The following KYNU variants were observed in gnomAD, a reference collection of about 807,000 sequenced individuals.
KYNU encodes L-kynurenine hydrolase.
A neutral mutation model predicts 59.2 loss-of-function variants in KYNU; 54 were observed. That is an observed-to-expected ratio of 0.91 (90% confidence interval 0.73 to 1.14). The LOEUF is 1.14. KYNU is among the 50% of genes most tolerant of loss of function. The probability of loss-of-function intolerance (pLI) is 0.00; values close to 1 mark genes in which losing one functional copy is unlikely to be tolerated. For synonymous variants in KYNU, 177 were observed against 192.0 expected, an observed-to-expected ratio of 0.92 and a Z score of 0.65; for missense variants, 567 against 554.4, an observed-to-expected ratio of 1.02 and a Z score of -0.23.
chr2:142,920,391 CT>C (rs1199361484), intron 3 of KYNU, among the ~76,000 whole-genome samples: 4 of 152,124 alleles, frequency 2.6e-5, no homozygotes, highest in African/African-American at 4.8e-5. Flanking sequence ...TGAATTTGAA[CT>C]TTATAGAGTG....
At chr2:142,908,851 G>T (rs984998323) in intron 2 of KYNU, among the ~76,000 whole-genome samples, 4 of 152,140 alleles carry the variant, frequency 2.6e-5, no homozygotes, top group African/African-American at 7.2e-5. Flanking sequence ...AGCCAGGATG[G>T]TCTTGATCTC....
intron 4 of KYNU, among the ~76,000 whole-genome samples, chr2:142,945,802 A>G (rs1375939087): frequency 2.6e-5 from 4 of 151,866 alleles, no homozygotes; most frequent in East Asian, 1.9e-4. Context: ...CCGTGGCACA[A>G]TCTCGGCTCA....
intron 10 of KYNU, among the ~76,000 whole-genome samples, chr2:142,993,128 T>A (rs1368911309): frequency 6.6e-6 from 1 of 152,044 alleles, no homozygotes; most frequent in Non-Finnish European, 1.5e-5. Context: ...TTTACTTTGT[T>A]ACATTGAAAA....
At chr2:142,993,519 A>AACTCAT (rs1685459900) in intron 10 of KYNU, among the ~76,000 whole-genome samples, 1 of 152,048 alleles carries the variant, frequency 6.6e-6, no homozygotes, top group African/African-American at 2.4e-5. Flanking sequence ...ACTTGAAGAA[A>AACTCAT]ACTCATCTGT....
At chr2:142,965,154 C>T (rs1287157801) in intron 8 of KYNU, among the ~76,000 whole-genome samples, 1 of 152,116 alleles carries the variant, frequency 6.6e-6, no homozygotes, top group Non-Finnish European at 1.5e-5. Flanking sequence ...CTGCATCTTC[C>T]CACTACATCC....
chr2:142,999,941 A>T (rs980441337), intron 10 of KYNU, among the ~76,000 whole-genome samples: 1 of 152,062 alleles, frequency 6.6e-6, no homozygotes, highest in Non-Finnish European at 1.5e-5. Flanking sequence ...CCAAGTTGCA[A>T]TTTTTTCCAG....
At chr2:142,918,056 A>G (rs529871956) in intron 2 of KYNU, among the ~76,000 whole-genome samples, 3 of 152,350 alleles carry the variant, frequency 2.0e-5, no homozygotes, top group Admixed American at 6.5e-5. Context: ...AATAAGAAGT[A>G]GATGTAGAAA....
intron 2 of KYNU, among the ~76,000 whole-genome samples, chr2:142,918,091 A>G (rs1305027104): frequency 6.6e-6 from 1 of 152,246 alleles, no homozygotes; most frequent in Non-Finnish European, 1.5e-5. Flanking sequence ...TACATGTGTT[A>G]GTACTATGTG....
intron 10 of KYNU, among the ~76,000 whole-genome samples, chr2:143,005,590 T>C (rs1685854276): frequency 6.6e-6 from 1 of 152,162 alleles, no homozygotes; most frequent in Non-Finnish European, 1.5e-5. Flanking sequence ...ATGTTTGCAA[T>C]AGTATAAATA....
chr2:143,014,594 TA>T lies in KYNU; in HGVS notation c.903-15032del, dbSNP rs1686201556. 3.3e-5 allele frequency among the ~76,000 whole-genome samples: 5 copies of T among 152,362 alleles called. No individual in the cohort carries two copies. The South Asian group carries it at 1.0e-3, about 32-fold the overall frequency. ...TGTTTTGGAACTCAAAGCTAAAAATTAGAATTTTTGTTCTATATGCACCGTT... is the reference window on the plus strand; with the variant it reads ...TGTTTTGGAACTCAAAGCTAAAAATTGAATTTTTGTTCTATATGCACCGTT... On this transcript the variant is annotated intron_variant, in intron 10 of 13. Coordinates refer to ENST00000264170, the MANE Select transcript of KYNU (RefSeq NM_003937.3).
intron 1 of KYNU, among the ~76,000 whole-genome samples, chr2:142,880,338 C>A (rs182119787): frequency 7.9e-5 from 12 of 152,260 alleles, no homozygotes; most frequent in African/African-American, 2.9e-4. Flanking sequence ...TGGAGACTTG[C>A]ACATAGCATG....
At chr2:143,029,808 C>A in intron 11 of KYNU, 129 bp downstream of exon 11, 2 of 664,322 alleles carry the variant, frequency 3.0e-6, no homozygotes, top group South Asian at 1.7e-5. Context: ...TGAGAATTCT[C>A]AAATAAGAAA....
chr2:143,031,810 TACC>T (rs1237435184), intron 11 of KYNU, among the ~76,000 whole-genome samples: 2 of 152,178 alleles, frequency 1.3e-5, no homozygotes, highest in African/African-American at 4.8e-5. Context: ...GCTATAAAGA[TACC>T]ACCTGAGACT....
In KYNU at chr2:143,042,614, A is replaced by ATGTGTG. The variant is rs1271154119; in HGVS notation, c.*443_*444insGTGTGT. 1.0e-4 allele frequency: 3 copies of ATGTGTG among 29,976 alleles called. No individual in the cohort carries two copies. The highest frequency in any genetic ancestry group is 9.9e-4 in the South Asian group (1 of 1,014). 1.9% of individuals were successfully genotyped at this position (29,976 alleles called of 1,614,324 possible). On this transcript the variant is annotated 3_prime_UTR_variant, in exon 14 of 14. Transcript: ENST00000264170. ...TATATATATATATATATATATATAT[A>ATGTGTG]TATATATATATATATATGTGTGTGT...
At chr2:143,037,255 A>AT (rs1271283821) in intron 12 of KYNU, among the ~76,000 whole-genome samples, 1 of 152,194 alleles carries the variant, frequency 6.6e-6, no homozygotes, top group Non-Finnish European at 1.5e-5. Flanking sequence ...CTTTGGATGT[A>AT]TTTGCCTTAT....
intron 2 of KYNU, among the ~76,000 whole-genome samples, chr2:142,916,188 T>C (rs961715258): frequency 1.3e-5 from 2 of 152,150 alleles, no homozygotes; most frequent in African/African-American, 4.8e-5. Flanking sequence ...GGGGGCTTGT[T>C]ACATGAAGCA....
intron 10 of KYNU, among the ~76,000 whole-genome samples, chr2:143,023,730 C>T (rs2105220731): frequency 6.6e-6 from 1 of 150,662 alleles, no homozygotes; most frequent in African/African-American, 2.4e-5. Context: ...AGGAAGAGAA[C>T]TAATAGAATA....
intron 3 of KYNU, among the ~76,000 whole-genome samples, chr2:142,920,270 A>G (rs1056861176): frequency 9.8e-5 from 15 of 152,306 alleles, no homozygotes; most frequent in African/African-American, 3.6e-4. Flanking sequence ...ACATACCACC[A>G]CATTTGCTCT....
Position 143,042,417 on chromosome 2 carries a change from C to G in KYNU, c.*245C>G, listed in dbSNP as rs1687081181. ...TGTGTTGGTTCAAGTATTATCTATA[C>G]AGTCTCTATAAGCTGTCACATTTCA... On this transcript the variant is annotated 3_prime_UTR_variant, in exon 14 of 14. Coordinates refer to ENST00000264170, the MANE Select transcript of KYNU (RefSeq NM_003937.3). 3 of 387,562 alleles carry G rather than the reference C, an allele frequency of 7.7e-6. No homozygotes were observed. The highest frequency in any genetic ancestry group is 1.4e-5 in the Non-Finnish European group (3 of 210,952). 24.0% of individuals were successfully genotyped at this position (387,562 alleles called of 1,614,324 possible).
Sources: allele counts gnomAD v4.1 joint callset (sites outside exome capture counted in the v4.1 genomes callset), GRCh38; gene constraint gnomAD v4.1.1; transcripts MANE v1.5; gene names NCBI Gene and HGNC (gene_info 2026-07-23, HGNC 2026-07-21).